Variants in PDE1A observed in about 807,000 individuals in gnomAD.
PDE1A encodes the protein dual specificity calcium/calmodulin-dependent 3',5'-cyclic nucleotide phosphodiesterase 1A.
A neutral mutation model predicts 61.7 loss-of-function variants in PDE1A; 35 were observed. That is an observed-to-expected ratio of 0.57 (90% CI 0.43 to 0.75). PDE1A has a LOEUF of 0.75. Ranked by LOEUF, PDE1A falls within the 30% of genes least tolerant of loss-of-function variation. The pLI, the probability that PDE1A is intolerant of heterozygous loss-of-function variation, is 0.00. For missense variants in PDE1A, 597 were observed against 630.6 expected, an observed-to-expected ratio of 0.95 and a Z score of 0.57; for synonymous variants, 232 against 213.2, an observed-to-expected ratio of 1.09 and a Z score of -0.77.
At chr2:182,155,033 T>G (rs1236338351) in intron 13 of PDE1A, among the ~76,000 whole-genome samples, 8 of 151,868 alleles carry the variant, frequency 5.3e-5, no homozygotes, top group African/African-American at 1.9e-4. Flanking sequence ...TTCTCTTTTT[T>G]TTTTAATGGG....
At chr2:182,357,286 AAAAC>A (rs977480350) in intron 1 of PDE1A, among the ~76,000 whole-genome samples, 10 of 152,250 alleles carry the variant, frequency 6.6e-5, no homozygotes, top group East Asian at 1.9e-4. Flanking sequence ...AAAACAAAAA[AAAAC>A]AAACAAACAA....
chr2:182,291,936 G>A (rs964964252), intron 1 of PDE1A, among the ~76,000 whole-genome samples: 4 of 151,926 alleles, frequency 2.6e-5, no homozygotes, highest in Non-Finnish European at 4.4e-5. Context: ...CCTAAATATC[G>A]TTTTGCATCA....
chr2:182,147,123 C>G, exon 14 of PDE1A: 3 of 1,605,694 alleles, frequency 1.9e-6, no homozygotes, highest in Non-Finnish European at 1.7e-6. Context: ...TTTACTAAGT[C>G]TTCTGAGTTC....
the PDE1A span, among the ~76,000 whole-genome samples, chr2:182,585,858 T>C: frequency 3.3e-5 from 5 of 152,216 alleles, no homozygotes; most frequent in African/African-American, 1.2e-4. Context: ...CATATTCTTG[T>C]TTACTAATTG....
chr2:182,673,841 A>T, the PDE1A span, among the ~76,000 whole-genome samples: 22 of 151,888 alleles, frequency 1.4e-4, no homozygotes, highest in Middle Eastern at 3.4e-3. Context: ...TTGCTTATAC[A>T]AATCAGCTCC....
the PDE1A span, among the ~76,000 whole-genome samples, chr2:182,659,752 T>A: frequency 6.6e-6 from 1 of 152,188 alleles, no homozygotes; most frequent in African/African-American, 2.4e-5. Context: ...CTAAGCATTA[T>A]GAGATACTTA....
chr2:182,351,344 G>A (rs901026353), intron 1 of PDE1A, among the ~76,000 whole-genome samples: 4 of 152,156 alleles, frequency 2.6e-5, no homozygotes, highest in African/African-American at 9.7e-5. Flanking sequence ...GTACAAGTAA[G>A]GGGTAGTTTC....
chr2:182,716,218 C>T, the PDE1A span: 3 of 152,386 alleles, frequency 2.0e-5, no homozygotes, highest in Non-Finnish European at 4.4e-5. Context: ...AGGCAGCGTC[C>T]TCCACGCCTT....
chr2:182,285,923 CTT>C (rs1164177232), intron 1 of PDE1A, among the ~76,000 whole-genome samples: 1 of 152,082 alleles, frequency 6.6e-6, no homozygotes, highest in Non-Finnish European at 1.5e-5. Context: ...AACTCCACTA[CTT>C]ATCATGAAAC....
At chr2:182,309,515 A>G (rs1356108851) in intron 1 of PDE1A, among the ~76,000 whole-genome samples, 1 of 152,128 alleles carries the variant, frequency 6.6e-6, no homozygotes, top group East Asian at 1.9e-4. Flanking sequence ...TTAGAAGGCC[A>G]GCTTCCTACT....
intron 2 of PDE1A, among the ~76,000 whole-genome samples, chr2:182,466,962 G>A (rs767192062): frequency 8.6e-5 from 13 of 151,996 alleles, no homozygotes; most frequent in Non-Finnish European, 1.8e-4. Context: ...GGTATACTAA[G>A]AGGAGCTCTT....
chr2:182,159,419 A>ATACC (rs1691260078), intron 13 of PDE1A, among the ~76,000 whole-genome samples: 1 of 152,216 alleles, frequency 6.6e-6, no homozygotes, highest in South Asian at 2.1e-4. Context: ...GATAAACTTT[A>ATACC]TAGACTATCT....
chr2:182,220,296 T>C (rs1044638966), intron 7 of PDE1A, among the ~76,000 whole-genome samples: 3 of 152,060 alleles, frequency 2.0e-5, no homozygotes, highest in Non-Finnish European at 4.4e-5. Flanking sequence ...TGTGCATTTC[T>C]AGAAGTTTGC....
the PDE1A span, among the ~76,000 whole-genome samples, chr2:182,696,035 C>T: frequency 2.0e-5 from 3 of 152,144 alleles, no homozygotes; most frequent in Non-Finnish European, 4.4e-5. Context: ...GACACAGCCA[C>T]TTTGGAAGAC....
At chr2:182,217,876 C>A (rs1688344577) in intron 7 of PDE1A, among the ~76,000 whole-genome samples, 2 of 152,106 alleles carry the variant, frequency 1.3e-5, no homozygotes, top group South Asian at 4.1e-4. Context: ...CCTCAGGGAT[C>A]TAGAACTGGA....
At chr2:182,654,769 T>C in the PDE1A span, among the ~76,000 whole-genome samples, 1 of 152,216 alleles carries the variant, frequency 6.6e-6, no homozygotes, top group Non-Finnish European at 1.5e-5. Context: ...TAGCTCAGTC[T>C]GGAATCTATT....
intron 11 of PDE1A, among the ~76,000 whole-genome samples, chr2:182,188,186 G>A (rs1432515): frequency 0.54 from 82,044 of 151,894 alleles, 22,370 homozygotes; most frequent in East Asian, 0.58. Context: ...AGCCTGCCAC[G>A]TTTACACTTA....
At chr2:182,349,947 AC>A (rs1698765362) in intron 1 of PDE1A, among the ~76,000 whole-genome samples, 1 of 152,136 alleles carries the variant, frequency 6.6e-6, no homozygotes, top group Non-Finnish European at 1.5e-5. Context: ...CAGAAAATGC[AC>A]AAATCTTAAG....
chr2:182,392,575 G>A (rs773032306), intron 1 of PDE1A, among the ~76,000 whole-genome samples: 13 of 149,986 alleles, frequency 8.7e-5, no homozygotes, highest in Non-Finnish European at 1.5e-4. Context: ...CAGCATTAAC[G>A]CAAAAGTCCA....
Sources: gnomAD v4.1 joint callset for allele counts (sites outside exome capture counted in the v4.1 genomes callset) on GRCh38, gnomAD v4.1.1 for gene constraint, MANE v1.5 for transcripts, NCBI Gene and HGNC (gene_info 2026-07-23, HGNC 2026-07-21) for gene names.